OTOGL: variants seen among roughly 807,000 people sequenced by gnomAD.
The protein encoded by OTOGL is otogelin-like protein.
In OTOGL, 285 loss-of-function variants were observed where a neutral mutation model predicts 318.5. The observed-to-expected ratio is 0.89, with a 90% CI of 0.81 to 0.99. The LOEUF is 0.99. Ranked by LOEUF, OTOGL falls within the 50% of genes least tolerant of loss-of-function variation. The pLI is 0.00. For missense variants in OTOGL, 2,899 were observed against 2,845.6 expected (o/e 1.02, Z -0.43); for synonymous variants, 987 against 936.5 (o/e 1.05, Z -0.99).
chr12:80,194,957 G>A (rs1875955447), intron 1 of OTOGL, among the ~76,000 whole-genome samples: 1 of 151,956 alleles, frequency 6.6e-6, no homozygotes, highest in African/African-American at 2.4e-5. Flanking sequence ...AAAAGCATTT[G>A]ACTTAACCCT....
intron 26 of OTOGL, 118 bp from the exon 27 acceptor site, chr12:80,296,707 TAA>T (rs1885423116): frequency 4.8e-5 from 2 of 41,568 alleles, no homozygotes; most frequent in East Asian, 0.02. Context: ...ATTTTAGAGG[TAA>T]GTTGTTTTTC....
intron 44 of OTOGL, among the ~76,000 whole-genome samples, chr12:80,351,926 A>G (rs1566006552): frequency 6.6e-6 from 1 of 152,244 alleles, no homozygotes; most frequent in Non-Finnish European, 1.5e-5. Context: ...GCTGTATACC[A>G]TTAGAGAATG....
chr12:80,304,745 T>C (rs958360905), intron 28 of OTOGL, among the ~76,000 whole-genome samples: 5 of 152,148 alleles, frequency 3.3e-5, no homozygotes, highest in African/African-American at 1.2e-4. Flanking sequence ...CCAGCAAGAA[T>C]AGCAATATAT....
intron 16 of OTOGL, 49 bp from the exon 17 acceptor site, chr12:80,256,288 G>A: frequency 6.6e-7 from 1 of 1,523,870 alleles, no homozygotes. Context: ...TCTTTCTATG[G>A]CTCTCTCTCT....
chr12:80,234,667 C>T (rs549846299), intron 9 of OTOGL, among the ~76,000 whole-genome samples: 64 of 152,252 alleles, frequency 4.2e-4, no homozygotes, highest in African/African-American at 1.5e-3. Context: ...AAGTATTTCT[C>T]CATAAGCCTA....
chr12:80,137,842 C>G (rs1871673597), intron 1 of OTOGL, among the ~76,000 whole-genome samples: 1 of 152,084 alleles, frequency 6.6e-6, no homozygotes, highest in African/African-American at 2.4e-5. Context: ...TATTAAAAAT[C>G]AGGGACGCAA....
chr12:80,101,706 G>C (rs1353855346), intron 1 of OTOGL, among the ~76,000 whole-genome samples: 1 of 151,996 alleles, frequency 6.6e-6, no homozygotes, highest in African/African-American at 2.4e-5. Context: ...TCATTTAATA[G>C]ATGAAGAAAC....
chr12:80,108,936 G>GTGTGTGTATATATATATATATATATA (rs1555268621), intron 1 of OTOGL, among the ~76,000 whole-genome samples: 1 of 128,244 alleles, frequency 7.8e-6, no homozygotes, highest in African/African-American at 3.2e-5. Flanking sequence ...ATATGTGTGT[G>GTGTGTGTATATATATATATATATATA]TATATATATA....
chr12:80,336,713 A>G, intron 40 of OTOGL, 84 bp from the exon 41 acceptor site: 1 of 1,405,890 alleles, frequency 7.1e-7, no homozygotes, highest in African/African-American at 1.5e-5. Context: ...CTTTCTTATC[A>G]ATCTATTTAG....
At chr12:80,215,663 A>G (rs1157209423) in intron 4 of OTOGL, among the ~76,000 whole-genome samples, 2 of 152,208 alleles carry the variant, frequency 1.3e-5, no homozygotes, top group Non-Finnish European at 2.9e-5. Flanking sequence ...AGAAGTCATT[A>G]TACACTTTTA....
At chr12:80,147,816 T>C (rs553184129) in intron 1 of OTOGL, among the ~76,000 whole-genome samples, 2 of 152,282 alleles carry the variant, frequency 1.3e-5, no homozygotes, top group South Asian at 4.1e-4. Context: ...ATAATGGCCT[T>C]GTTTGTCTCT....
chr12:80,252,245 A>G (rs1189026968), intron 13 of OTOGL, 44 bp downstream of exon 13: 4 of 1,558,830 alleles, frequency 2.6e-6, no homozygotes, highest in Admixed American at 1.9e-5. Flanking sequence ...CATGGAAACT[A>G]GTACCCAGTG....
chr12:80,159,391 T>A (rs990479128), intron 1 of OTOGL, among the ~76,000 whole-genome samples: 1 of 152,162 alleles, frequency 6.6e-6, no homozygotes, highest in Non-Finnish European at 1.5e-5. Context: ...TCTTGCAGAA[T>A]AGTGTCAATA....
intron 33 of OTOGL, 88 bp from the exon 34 acceptor site, chr12:80,320,334 A>G: frequency 7.6e-7 from 1 of 1,320,448 alleles, no homozygotes; most frequent in Non-Finnish European, 1.0e-6. Flanking sequence ...GTGCAGTACT[A>G]TTTTGTTTAC....
intron 1 of OTOGL, 37 bp from the exon 2 acceptor site, chr12:80,209,376 C>T: frequency 1.7e-6 from 2 of 1,158,082 alleles, no homozygotes; most frequent in South Asian, 1.8e-5. Context: ...TCTAAGATGC[C>T]ATCATAATAA....
chr12:80,102,958 G>A, intron 1 of OTOGL: 1 of 873,544 alleles, frequency 1.1e-6, no homozygotes, highest in Non-Finnish European at 1.9e-6. Flanking sequence ...CCTACTTGGC[G>A]AGATTTGGCT....
intron 11 of OTOGL, 133 bp from the exon 12 acceptor site, chr12:80,251,560 G>A: frequency 1.6e-6 from 1 of 609,228 alleles, no homozygotes. Flanking sequence ...TATTATGAGT[G>A]ACACATATGC....
intron 1 of OTOGL, among the ~76,000 whole-genome samples, chr12:80,164,184 T>A (rs1237678467): frequency 6.6e-6 from 1 of 152,188 alleles, no homozygotes; most frequent in Non-Finnish European, 1.5e-5. Flanking sequence ...TTGTGAAGAA[T>A]ATGGAGATGT....
At chr12:80,233,127 C>G (rs374595291) in intron 9 of OTOGL, 30 bp downstream of exon 9, 9 of 1,516,510 alleles carry the variant, frequency 5.9e-6, no homozygotes, top group Non-Finnish European at 8.0e-6. Context: ...TGTGTGGGTA[C>G]CTTCTAAAGC....
Sources: allele counts gnomAD v4.1 joint callset (sites outside exome capture counted in the v4.1 genomes callset), GRCh38; gene constraint gnomAD v4.1.1; transcripts MANE v1.5; gene names NCBI Gene and HGNC (gene_info 2026-07-23, HGNC 2026-07-21).